Variants in COBL observed in about 807,000 individuals in gnomAD.
COBL encodes the protein protein cordon-bleu.
COBL carries 51 observed loss-of-function variants against 98.8 expected under a neutral mutation model. That is an observed-to-expected ratio of 0.52 (90% confidence interval 0.41 to 0.65). COBL has a LOEUF of 0.65. Ranked by LOEUF, COBL falls within the 30% of genes least tolerant of loss-of-function variation. The pLI is 0.00. For missense variants in COBL, 1,617 were observed against 1,617.5 expected (o/e 1.00, Z 0.01); for synonymous variants, 634 against 651.7 (o/e 0.97, Z 0.41).
At chr7:51,087,305 C>T (rs1253545591) in intron 6 of COBL, among the ~76,000 whole-genome samples, 2 of 152,158 alleles carry the variant, frequency 1.3e-5, no homozygotes, top group South Asian at 2.1e-4. Flanking sequence ...CAGGAATTTT[C>T]TCCTCCTGAG....
At position 51,029,292 on chromosome 7, in the gene COBL, G is replaced by C. The variant is rs769638035; in HGVS notation, c.1804C>G (p.Pro602Ala). 2 of 1,604,158 alleles carry C rather than the reference G, an allele frequency of 1.2e-6. No homozygotes were observed. Among genetic ancestry groups the C allele is most frequent in the Non-Finnish European group, 1.7e-6 (2 of 1,174,400 alleles). The change falls in exon 10 of 13, where the codon CCC becomes GCC. Residue 602 changes from proline (P) to alanine (A), a missense_variant. Pro to Ala is a conservative substitution (Grantham distance 27, BLOSUM62 -1). Around this residue, in one of 3 missense-constraint regions of COBL, gnomAD observed 1,304 missense variants for 1,282.0 expected, o/e 1.02. Transcript: ENST00000265136. ...CCTTTTCCGACGTCATGGGAAGCGG[G>C]GTGCAGGGCAGGTACTTCCTCCCTT... ...KAREEVPALH[P>A]ASHDVGKGIR...
intron 5 of COBL, among the ~76,000 whole-genome samples, chr7:51,168,450 G>A (rs1787548567): frequency 6.6e-6 from 1 of 151,850 alleles, no homozygotes; most frequent in African/African-American, 2.4e-5. Flanking sequence ...AAAAAAAATG[G>A]GCAAAAGATT....
At chr7:51,295,009 G>A (rs1375252732) in intron 1 of COBL, among the ~76,000 whole-genome samples, 2 of 151,922 alleles carry the variant, frequency 1.3e-5, no homozygotes, top group African/African-American at 2.4e-5. Flanking sequence ...ATGACGGGCC[G>A]GGCACAATGG....
intron 6 of COBL, among the ~76,000 whole-genome samples, chr7:51,092,456 T>C (rs1215506846): frequency 6.6e-6 from 1 of 152,340 alleles, no homozygotes; most frequent in South Asian, 2.1e-4. Flanking sequence ...TAGATTTTTG[T>C]ATATGGCCTG....
intron 2 of COBL, among the ~76,000 whole-genome samples, chr7:51,196,726 A>G (rs1275018268): frequency 6.6e-6 from 1 of 151,270 alleles, no homozygotes; most frequent in Non-Finnish European, 1.5e-5. Context: ...CTGTTCAGAG[A>G]TTCAATTTCT....
intron 1 of COBL, among the ~76,000 whole-genome samples, chr7:51,288,811 G>A (rs1800626603): frequency 8.5e-6 from 1 of 118,286 alleles, no homozygotes; most frequent in Admixed American, 9.5e-5. Context: ...AATAAGAACT[G>A]AATTCAAATA....
intron 7 of COBL, among the ~76,000 whole-genome samples, chr7:51,067,893 G>A (rs1034509274): frequency 6.6e-6 from 1 of 152,232 alleles, no homozygotes; most frequent in Non-Finnish European, 1.5e-5. Context: ...AGTCATCCAA[G>A]AATCTCTTGT....
intron 2 of COBL, among the ~76,000 whole-genome samples, chr7:51,215,031 T>C (rs115510616): frequency 0.014 from 2,134 of 151,984 alleles, 48 homozygotes; most frequent in African/African-American, 0.049. Flanking sequence ...TGCTGAGGAG[T>C]CTTCTTCACA....
intron 1 of COBL, among the ~76,000 whole-genome samples, chr7:51,269,803 C>T (rs913656928): frequency 1.3e-5 from 2 of 152,194 alleles, no homozygotes; most frequent in South Asian, 2.1e-4. Flanking sequence ...CACAGTTACA[C>T]CAATGCTCCC....
chr7:51,155,573 G>C lies in COBL; in HGVS notation c.784-19242C>G, dbSNP rs376182524. Among the ~76,000 whole-genome samples, 6 of 106,938 alleles carry C rather than the reference G, an allele frequency of 5.6e-5. No individual in the cohort carries two copies. In the East Asian group the frequency reaches 9.5e-4, roughly 17 times the overall value. The allele number at this position is 106,938 out of a possible 152,430, so 70.2% of individuals were successfully genotyped here. On this transcript the variant is annotated intron_variant, in intron 5 of 12. Coordinates refer to ENST00000265136, the MANE Select transcript of COBL (RefSeq NM_015198.5). ...CCACTGCACTCCAGCCTAGGTGACA[G>C]AGCAAGACTCCATCTCAAAAAAAAA...
intron 1 of COBL, among the ~76,000 whole-genome samples, chr7:51,220,697 G>T (rs1262380733): frequency 6.6e-6 from 1 of 152,100 alleles, no homozygotes; most frequent in African/African-American, 2.4e-5. Context: ...CAGGTAAATT[G>T]CGTGTCACCA....
chr7:51,169,719 G>C (rs1368070008), intron 5 of COBL, among the ~76,000 whole-genome samples: 4 of 152,108 alleles, frequency 2.6e-5, no homozygotes, highest in African/African-American at 9.7e-5. Flanking sequence ...GGGGAGGTGG[G>C]GATGGTTAAT....
intron 1 of COBL, among the ~76,000 whole-genome samples, chr7:51,280,908 A>G (rs1799768158): frequency 6.6e-6 from 1 of 152,228 alleles, no homozygotes; most frequent in South Asian, 2.1e-4. Context: ...AACTAGGTCA[A>G]TTGCCAGATT....
chr7:51,058,918 A>T (rs1053438538), intron 7 of COBL, among the ~76,000 whole-genome samples: 1 of 152,192 alleles, frequency 6.6e-6, no homozygotes. Context: ...GTCTGTGCAG[A>T]TTACACCTTC....
chr7:51,182,041 G>T (rs776543146), intron 5 of COBL, among the ~76,000 whole-genome samples: 6 of 152,184 alleles, frequency 3.9e-5, no homozygotes, highest in African/African-American at 7.2e-5. Context: ...TTTTTACTTG[G>T]TTTTTCTGGC....
At chr7:51,022,463 C>T (rs1047707583) in intron 12 of COBL, 26 of 152,396 alleles carry the variant, frequency 1.7e-4, no homozygotes, top group African/African-American at 6.0e-4. Flanking sequence ...ACGGCACCAA[C>T]GCCCACGGCT....
At chr7:51,175,204 C>T (rs1788253092) in intron 5 of COBL, among the ~76,000 whole-genome samples, 1 of 152,216 alleles carries the variant, frequency 6.6e-6, no homozygotes, top group Admixed American at 6.5e-5. Flanking sequence ...AAGGTATTGG[C>T]AGTTTTGCAC....
At chr7:51,076,710 G>A (rs1475301294) in intron 7 of COBL, among the ~76,000 whole-genome samples, 1 of 147,648 alleles carries the variant, frequency 6.8e-6, no homozygotes, top group African/African-American at 2.7e-5. Flanking sequence ...ATCCCTTGTT[G>A]GGGGGGGTTG....
At chr7:51,239,778 G>A (rs575128254) in intron 1 of COBL, among the ~76,000 whole-genome samples, 63 of 152,254 alleles carry the variant, frequency 4.1e-4, no homozygotes, top group African/African-American at 1.5e-3. Flanking sequence ...GCTGGTTAAC[G>A]GTCATGGTAT....
Sources: gnomAD v4.1 joint callset for allele counts (sites outside exome capture counted in the v4.1 genomes callset) on GRCh38, gnomAD v4.1.1 for gene constraint, gnomAD v4.1.1 regional missense constraint, MANE v1.5 for transcripts, NCBI Gene and HGNC (gene_info 2026-07-23, HGNC 2026-07-21) for gene names.